The following ZNF256 variants were observed in gnomAD, a reference collection of about 807,000 sequenced individuals.
ZNF256 encodes the protein zinc finger protein 256, also known as bone marrow zinc finger 3.
In ZNF256, 4 loss-of-function variants were observed where a neutral mutation model predicts 7.9. That is an observed-to-expected ratio of 0.50 (90% CI 0.25 to 1.15). The LOEUF is 1.15. Among genes scored for constraint, ZNF256 ranks in the 50% most tolerant of loss-of-function variants. The pLI is 0.15. For synonymous variants in ZNF256, 260 were observed against 260.4 expected (o/e 1.00, Z 0.02); for missense variants, 666 against 755.9 (o/e 0.88, Z 1.39).
chr19:57,946,800 G>T (rs146740424), intron 1 of ZNF256, among the ~76,000 whole-genome samples: 1 of 152,320 alleles, frequency 6.6e-6, no homozygotes, highest in African/African-American at 2.4e-5. Context: ...CCACCAGAAA[G>T]CAAGGAGACT....
At position 57,941,336 on chromosome 19, in the gene ZNF256, T is replaced by A. The variant is rs765411905; in HGVS notation, c.1472A>T (p.Tyr491Phe). 2.5e-6 allele frequency: 4 copies of A among 1,613,954 alleles called. No individual in the cohort carries two copies. The highest frequency in any genetic ancestry group is 4.5e-5 in the East Asian group (2 of 44,882). ...TGATTTCCCACACTCCCCACATTCATAAGGCCTTGCTCCAGTATGAACTTT... is the reference window on the plus strand; with the variant it reads ...TGATTTCCCACACTCCCCACATTCAAAAGGCCTTGCTCCAGTATGAACTTT... ...HWKVHTGARP[Y>F]ECGECGKSFT... The change falls in exon 3 of 3, where the codon TAT becomes TTT. Residue 491 changes from tyrosine (Y) to phenylalanine (F), a missense_variant. Physicochemically the swap from Tyr to Phe is conservative, Grantham distance 22 (BLOSUM62 3). Coordinates refer to ENST00000282308, the MANE Select transcript of ZNF256 (RefSeq NM_005773.3).
chr19:57,942,065 A>G lies in ZNF256; in HGVS notation c.743T>C (p.Phe248Ser). 4 of 1,614,228 alleles carry G rather than the reference A, an allele frequency of 2.5e-6. No homozygotes were observed. The highest frequency in any genetic ancestry group is 3.4e-6 in the Non-Finnish European group (4 of 1,180,046). The change falls in exon 3 of 3, where the codon TTT (phenylalanine) becomes TCT (serine). Residue 248 changes from phenylalanine (F) to serine (S), a missense_variant. Physicochemically the swap from Phe to Ser is radical, Grantham distance 155. Transcript: ENST00000282308. ...ATCACTGAGGCTACAGCTTGTGCTA[A>G]AAGATTTCCCACATTCACTGCACAT... is the stretch of plus-strand genomic sequence containing the variant. ...SYMCSECGKS[F>S]STSCSLSDHL...
At position 57,942,068 on chromosome 19, in the gene ZNF256, G is replaced by A; in HGVS notation, c.740C>T (p.Ser247Phe). ...RSYMCSECGK[S>F]FSTSCSLSDH... Reference sequence around the variant, plus strand: ...ACTGAGGCTACAGCTTGTGCTAAAAGATTTCCCACATTCACTGCACATGTA... The same window carrying A: ...ACTGAGGCTACAGCTTGTGCTAAAAAATTTCCCACATTCACTGCACATGTA... Residue 247 changes from serine to phenylalanine, a missense_variant, in exon 3 of 3, where the codon TCT becomes TTT. Ser to Phe is a radical substitution (Grantham distance 155). Transcript: ENST00000282308. 1.2e-6 allele frequency: 2 copies of A among 1,614,220 alleles called. No homozygotes were observed. The highest frequency in any genetic ancestry group is 1.7e-6 in the Non-Finnish European group (2 of 1,180,038).
Position 57,943,896 on chromosome 19 carries a change from G to A in ZNF256, c.160+38C>T, listed in dbSNP as rs185045477. On this transcript the variant is annotated intron_variant, in intron 2 of 2. Coordinates refer to ENST00000282308, the MANE Select transcript of ZNF256 (RefSeq NM_005773.3). ...CTCTGGGGAAAGGGTAAGAGCAAAGGCTAGCTCGGGGCATAGAGGTGGGTG... is the reference window on the plus strand; with the variant it reads ...CTCTGGGGAAAGGGTAAGAGCAAAGACTAGCTCGGGGCATAGAGGTGGGTG... 95 of 1,608,966 alleles carry A rather than the reference G, an allele frequency of 5.9e-5. 1 individual carries two copies. The Middle Eastern group carries it at 6.6e-4, about 11-fold the overall frequency.
chr19:57,941,216 C>A lies in ZNF256; in HGVS notation c.1592G>T (p.Ser531Ile). The change falls in exon 3 of 3, where the codon AGC becomes ATC. Residue 531 changes from serine to isoleucine, a missense_variant. By Grantham distance (142) the Ser-to-Ile change is moderately radical. Transcript: ENST00000282308. ...CNECGKFFSQ[S>I]SSLIRHRRSH... ...TCTCCTATGTCTAATGAGGCTGGAG[C>A]TCTGGCTAAAAAACTTCCCACATTC... is the stretch of plus-strand genomic sequence containing the variant. 6.2e-7 allele frequency: 1 copy of A among 1,613,720 alleles called. No homozygotes were observed. The highest frequency in any genetic ancestry group is 8.5e-7 in the Non-Finnish European group (1 of 1,179,756).
In ZNF256 at chr19:57,941,096, C is replaced by G; in HGVS notation, c.1712G>C (p.Gly571Ala). 1 of 1,614,162 alleles carries G rather than the reference C, an allele frequency of 6.2e-7. No individual in the cohort carries two copies. Among genetic ancestry groups the G allele is most frequent in the Non-Finnish European group, 8.5e-7 (1 of 1,180,018 alleles). The change falls in exon 3 of 3, where the codon GGA (glycine) becomes GCA (alanine). Residue 571 changes from glycine (G) to alanine (A), a missense_variant. Gly to Ala is a moderately conservative substitution (Grantham distance 60, BLOSUM62 0). Coordinates refer to ENST00000282308, the MANE Select transcript of ZNF256 (RefSeq NM_005773.3). Reference protein sequence around the residue: ...SLVKHRRVHTGERPYECSECG... With the variant: ...SLVKHRRVHTAERPYECSECG... ...TTCACTGCATTCATAAGGCCTTTCTCCGGTATGAACTCTTCGGTGTTTAAC... is the reference window on the plus strand; with the variant it reads ...TTCACTGCATTCATAAGGCCTTTCTGCGGTATGAACTCTTCGGTGTTTAAC...
chr19:57,941,448 C>CT lies in ZNF256; in HGVS notation c.1359_1360insA (p.Glu454ArgfsTer11), dbSNP rs771151254. The CT allele has an allele frequency of 6.2e-7, 1 of 1,612,734 alleles. No individual in the cohort carries two copies. Among genetic ancestry groups the CT allele is most frequent in the East Asian group, 2.2e-5 (1 of 44,724 alleles). On this transcript the variant is annotated frameshift_variant, in exon 3 of 3. Coordinates refer to ENST00000282308, the MANE Select transcript of ZNF256 (RefSeq NM_005773.3). LOFTEE classifies it low-confidence loss of function (END_TRUNC). ...GGCCTTTCTCCTGTGTGAACTCTCT[C>CT]ATGTACAATGAGGTCAAATTTCCTG... is the stretch of plus-strand genomic sequence containing the variant.
In ZNF256 at chr19:57,941,245, G is replaced by A. The variant is rs554755761; in HGVS notation, c.1563C>T (p.Cys521=). ...GGCTAAAAAACTTCCCACATTCATT[G>A]CACTCATAAGGCCTTTCTCCAGTGT... The part of the protein sequence containing the change: ...RVHTGERPYE[C]NECGKFFSQS... Residue 521 remains cysteine, a synonymous_variant, in exon 3 of 3, where the codon TGC becomes TGT. Coordinates refer to ENST00000282308, the MANE Select transcript of ZNF256 (RefSeq NM_005773.3). The A allele has an allele frequency of 1.2e-6, 2 of 1,613,914 alleles. No homozygotes were observed. The highest frequency in any genetic ancestry group is 2.7e-5 in the African/African-American group (2 of 74,934).
chr19:57,944,143 G>A (rs2072750101), intron 1 of ZNF256, 83 bp from the exon 2 acceptor site: 2 of 1,581,174 alleles, frequency 1.3e-6, no homozygotes, highest in Non-Finnish European at 1.7e-6. Context: ...TTTACCCCAT[G>A]CTCATCCTCT....
At position 57,946,219 on chromosome 19, in the gene ZNF256, C is replaced by T. The variant is rs1229291520; in HGVS notation, c.33+1223G>A. Among the ~76,000 whole-genome samples the T allele has an allele frequency of 3.3e-5, 5 of 152,310 alleles. No individual in the cohort carries two copies. The East Asian group carries it at 9.6e-4, about 29-fold the overall frequency. ...TAACTGTGACCCACAGCTCACTAACCTTGGTGCGCACAACAGCCACATCTT... is the reference window on the plus strand; with the variant it reads ...TAACTGTGACCCACAGCTCACTAACTTTGGTGCGCACAACAGCCACATCTT... On this transcript the variant is annotated intron_variant, in intron 1 of 2. Coordinates refer to ENST00000282308, the MANE Select transcript of ZNF256 (RefSeq NM_005773.3).
In ZNF256 at chr19:57,941,815, G is replaced by C; in HGVS notation, c.993C>G (p.Ser331=). Residue 331 remains serine, a synonymous_variant, in exon 3 of 3, where the codon TCC becomes TCG. Coordinates refer to ENST00000282308, the MANE Select transcript of ZNF256 (RefSeq NM_005773.3). ...RPYKCSECGK[S]FSHSSSLITH... ...TAATGAGGCTAGAGCTATGGCTAAA[G>C]GATTTCCCACATTCACTGCACTTGT... is the stretch of plus-strand genomic sequence containing the variant. The C allele has an allele frequency of 6.2e-7, 1 of 1,613,640 alleles. No homozygotes were observed. The highest frequency in any genetic ancestry group is 2.2e-5 in the East Asian group (1 of 44,844).
intron 2 of ZNF256, 98 bp from the exon 3 acceptor site, chr19:57,942,745 C>T (rs1481356827): frequency 2.1e-6 from 3 of 1,440,876 alleles, no homozygotes; most frequent in Middle Eastern, 2.5e-4. Flanking sequence ...GGAACTGAGT[C>T]CATGGGGTTG....
intron 1 of ZNF256, 125 bp from the exon 2 acceptor site, chr19:57,944,185 G>A: frequency 2.8e-6 from 4 of 1,410,684 alleles, no homozygotes; most frequent in South Asian, 2.6e-5. Context: ...CAGCTCAGAG[G>A]AGAAAGCAGT....
intron 2 of ZNF256, among the ~76,000 whole-genome samples, chr19:57,943,319 T>G (rs540921243): frequency 5.3e-5 from 8 of 152,258 alleles, no homozygotes; most frequent in Admixed American, 2.6e-4. Context: ...TAGGTGTTAG[T>G]CCCTAGGGCC....
intron 1 of ZNF256, among the ~76,000 whole-genome samples, chr19:57,946,563 A>G (rs257654): frequency 0.26 from 39,827 of 151,866 alleles, 5,575 homozygotes; most frequent in Non-Finnish European, 0.32. Context: ...CTCCTAAATC[A>G]CGATCCTGGG....
intron 2 of ZNF256, 77 bp downstream of exon 2, chr19:57,943,857 G>A: frequency 6.4e-7 from 1 of 1,562,512 alleles, no homozygotes; most frequent in Admixed American, 1.9e-5. Context: ...GTCCTCTTGT[G>A]AAGACACATC....
intron 1 of ZNF256, among the ~76,000 whole-genome samples, chr19:57,945,896 C>A (rs542848702): frequency 6.6e-6 from 1 of 152,314 alleles, no homozygotes; most frequent in South Asian, 2.1e-4. Flanking sequence ...CACAATGACT[C>A]TCACAAATGA....
At chr19:57,946,944 G>A (rs984721316) in intron 1 of ZNF256, among the ~76,000 whole-genome samples, 1 of 152,184 alleles carries the variant, frequency 6.6e-6, no homozygotes, top group Non-Finnish European at 1.5e-5. Flanking sequence ...CGGCTAACAT[G>A]GACATAGGAC....
In ZNF256 at chr19:57,941,535, G is replaced by T; in HGVS notation, c.1273C>A (p.His425Asn). 1.2e-6 allele frequency: 2 copies of T among 1,614,074 alleles called. No homozygotes were observed. Among genetic ancestry groups the T allele is most frequent in the Non-Finnish European group, 1.7e-6 (2 of 1,180,034 alleles). The change falls in exon 3 of 3, where the codon CAC (histidine) becomes AAC (asparagine). Residue 425 changes from histidine to asparagine, a missense_variant. Transcript: ENST00000282308. ...CTTACTCCAGTATGAACTCTCTGGT[G>T]TTGGAAGAAACGAGATCTATAAGTA... The part of the protein sequence containing the change: ...LFTYRSRFFQ[H>N]QRVHTGVRSH...
Sources: allele counts gnomAD v4.1 joint callset (sites outside exome capture counted in the v4.1 genomes callset), GRCh38; gene constraint gnomAD v4.1.1; transcripts MANE v1.5; gene names NCBI Gene and HGNC (gene_info 2026-07-23, HGNC 2026-07-21).